NELL1: variants seen among roughly 807,000 people sequenced by gnomAD.
The protein encoded by NELL1 is protein kinase C-binding protein NELL1.
NELL1 carries 76 observed loss-of-function variants against 107.4 expected under a neutral mutation model. The ratio of observed to expected loss-of-function variants is 0.71; its 90% CI spans 0.59 to 0.86. The LOEUF (loss-of-function observed/expected upper bound fraction) is 0.86, where lower values mean the gene tolerates loss of function less well. Ranked by LOEUF, NELL1 falls within the 40% of genes least tolerant of loss-of-function variation. NELL1 has a pLI of 0.00. For missense variants in NELL1, 1,024 were observed against 1,005.5 expected (o/e 1.02, Z -0.25); for synonymous variants, 353 against 341.2 (o/e 1.03, Z -0.38).
At chr11:21,269,935 C>T (rs1848708087) in intron 14 of NELL1, among the ~76,000 whole-genome samples, 1 of 151,896 alleles carries the variant, frequency 6.6e-6, no homozygotes, top group Non-Finnish European at 1.5e-5. Flanking sequence ...CTTTTGTTAT[C>T]ATAAGGTTCT....
chr11:21,511,372 A>C (rs4074587), intron 15 of NELL1, among the ~76,000 whole-genome samples: 118,807 of 152,060 alleles, frequency 0.78, 49,536 homozygotes, highest in Non-Finnish European at 0.95. Context: ...AGGGGTAAGT[A>C]ATGCTCCAGA....
At position 20,899,146 on chromosome 11, in the gene NELL1, CTA is replaced by C. The variant is rs142055472; in HGVS notation, c.603+13617_603+13618del. 6.6e-5 allele frequency among the ~76,000 whole-genome samples: 10 copies of C among 151,608 alleles called. No individual in the cohort carries two copies. In the East Asian group the frequency reaches 1.9e-3, roughly 29 times the overall value. ...TAAACATACTTAACAAGTTTAATGG[CTA>C]TATATATATACACACACACATACAC... On this transcript the variant is annotated intron_variant, in intron 5 of 19. Coordinates refer to ENST00000357134, the MANE Select transcript of NELL1 (RefSeq NM_006157.5).
At chr11:21,240,766 T>TGGGG (rs150046714) in intron 14 of NELL1, among the ~76,000 whole-genome samples, 10 of 62,122 alleles carry the variant, frequency 1.6e-4, no homozygotes, top group African/African-American at 2.1e-4. Flanking sequence ...GCCTTTCTAG[T>TGGGG]GGGGGGGGGG....
chr11:21,133,043 T>C (rs1278428041), intron 13 of NELL1, among the ~76,000 whole-genome samples: 2 of 151,970 alleles, frequency 1.3e-5, no homozygotes, highest in Admixed American at 6.6e-5. Flanking sequence ...AGGAGACCCA[T>C]AGTGCGGGTC....
At chr11:21,140,660 TG>T (rs1212218082) in intron 13 of NELL1, among the ~76,000 whole-genome samples, 6 of 152,214 alleles carry the variant, frequency 3.9e-5, no homozygotes, top group Non-Finnish European at 8.8e-5. Flanking sequence ...ATATATTTTT[TG>T]TTTAGGTCAT....
At chr11:21,233,183 A>G (rs1858110145) in intron 14 of NELL1, among the ~76,000 whole-genome samples, 1 of 152,150 alleles carries the variant, frequency 6.6e-6, no homozygotes, top group South Asian at 2.1e-4. Flanking sequence ...TGGATGGAAA[A>G]TACTTGTTCA....
intron 4 of NELL1, among the ~76,000 whole-genome samples, chr11:20,876,961 G>T (rs965160055): frequency 6.6e-6 from 1 of 152,060 alleles, no homozygotes; most frequent in Non-Finnish European, 1.5e-5. Context: ...TTTTCTAGTG[G>T]GGCTCAAGAA....
chr11:21,038,552 A>T (rs996690558), intron 12 of NELL1, among the ~76,000 whole-genome samples: 7 of 152,158 alleles, frequency 4.6e-5, no homozygotes, highest in Non-Finnish European at 7.3e-5. Flanking sequence ...TTATTTTCTG[A>T]TATTTGCTTG....
chr11:20,736,724 C>A lies in NELL1; in HGVS notation c.185-46956C>A, dbSNP rs185836985. On this transcript the variant is annotated intron_variant, in intron 2 of 19. Coordinates refer to ENST00000357134, the MANE Select transcript of NELL1 (RefSeq NM_006157.5). ...AAGGAAAAGTTGATAATTTCTGGAC[C>A]CCTACCCTCCTCCCCTCCCCCTCCC... Among the ~76,000 whole-genome samples, 292 of 151,022 alleles carry A rather than the reference C, an allele frequency of 1.9e-3. 1 individual carries two copies. The highest frequency in any genetic ancestry group is 6.8e-3 in the African/African-American group (279 of 41,102).
chr11:21,524,351 A>G (rs1855798214), intron 15 of NELL1, among the ~76,000 whole-genome samples: 1 of 152,194 alleles, frequency 6.6e-6, no homozygotes, highest in Non-Finnish European at 1.5e-5. Context: ...TTATTAATAT[A>G]TGGAAGTTCA....
chr11:21,074,048 G>T (rs1274454704), intron 12 of NELL1, among the ~76,000 whole-genome samples: 1 of 152,152 alleles, frequency 6.6e-6, no homozygotes, highest in African/African-American at 2.4e-5. Context: ...ACTAGAGGAA[G>T]GCTGGAAAAG....
intron 13 of NELL1, among the ~76,000 whole-genome samples, chr11:21,219,813 A>G (rs1052939998): frequency 8.5e-5 from 13 of 152,162 alleles, no homozygotes; most frequent in Admixed American, 8.5e-4. Context: ...TCACATTGCT[A>G]TTAAGAACTA....
chr11:20,779,756 G>A (rs937473235), intron 2 of NELL1, among the ~76,000 whole-genome samples: 5 of 152,202 alleles, frequency 3.3e-5, no homozygotes, highest in African/African-American at 9.7e-5. Context: ...CTTTTGCTAT[G>A]CAGCTATGAG....
intron 15 of NELL1, among the ~76,000 whole-genome samples, chr11:21,515,490 T>C (rs905917427): frequency 6.6e-6 from 1 of 152,122 alleles, no homozygotes; most frequent in Non-Finnish European, 1.5e-5. Context: ...ATACCTAGCA[T>C]ATTATGTTAT....
At chr11:21,522,398 CAT>C (rs1372295188) in intron 15 of NELL1, among the ~76,000 whole-genome samples, 1 of 152,116 alleles carries the variant, frequency 6.6e-6, no homozygotes, top group African/African-American at 2.4e-5. Context: ...AAAATGAAGT[CAT>C]ATCTTTTGCA....
At chr11:20,722,034 T>C (rs2133910188) in intron 2 of NELL1, among the ~76,000 whole-genome samples, 1 of 151,616 alleles carries the variant, frequency 6.6e-6, no homozygotes, top group African/African-American at 2.4e-5. Flanking sequence ...TTTTTTTTTT[T>C]TTTTGAGACA....
intron 2 of NELL1, among the ~76,000 whole-genome samples, chr11:20,722,247 C>G (rs1855407741): frequency 6.6e-6 from 1 of 152,130 alleles, no homozygotes; most frequent in African/African-American, 2.4e-5. Context: ...TCTTGAACTC[C>G]TGACCTCAAG....
intron 1 of NELL1, among the ~76,000 whole-genome samples, chr11:20,671,534 AG>A (rs1401495105): frequency 2.0e-5 from 3 of 152,222 alleles, no homozygotes; most frequent in Admixed American, 1.3e-4. Flanking sequence ...TGCTTGTGGA[AG>A]GGGTCTTTAA....
intron 14 of NELL1, among the ~76,000 whole-genome samples, chr11:21,308,946 T>TG (rs1171077749): frequency 6.6e-6 from 1 of 151,774 alleles, no homozygotes; most frequent in Non-Finnish European, 1.5e-5. Flanking sequence ...TAAAATGCCT[T>TG]GAAAAAAAAG....
Sources: allele counts gnomAD v4.1 joint callset (sites outside exome capture counted in the v4.1 genomes callset), GRCh38; gene constraint gnomAD v4.1.1; transcripts MANE v1.5; gene names NCBI Gene and HGNC (gene_info 2026-07-23, HGNC 2026-07-21).